FAM184A: variants seen among roughly 807,000 people sequenced by gnomAD.
FAM184A encodes family with sequence similarity 184 member A, also known as protein FAM184A.
A neutral mutation model predicts 143.8 loss-of-function variants in FAM184A; 99 were observed. The ratio of observed to expected loss-of-function variants is 0.69; its 90% CI spans 0.58 to 0.81. The LOEUF (loss-of-function observed/expected upper bound fraction) is 0.81, where lower values mean the gene tolerates loss of function less well. Among genes scored for constraint, FAM184A ranks in the 40% least tolerant of loss-of-function variants. The probability of loss-of-function intolerance (pLI) is 0.00; values close to 1 mark genes in which losing one functional copy is unlikely to be tolerated. For synonymous variants in FAM184A, 427 were observed against 446.4 expected (o/e 0.96, Z 0.55); for missense variants, 1,217 against 1,310.5 (o/e 0.93, Z 1.10).
rs1241611830 is a variant in FAM184A, at chr6:118,976,125, AATT to A, written c.2456-84_2456-82del. ...TTAGATAAAAATTATAGAAGTAAAA[AATT>A]ATTTCAAAAATTAGAACACTTGTGT... On this transcript the variant is annotated intron_variant, in intron 11 of 17. Coordinates refer to ENST00000338891, the MANE Select transcript of FAM184A (RefSeq NM_024581.6). 1.2e-5 allele frequency: 16 copies of A among 1,374,404 alleles called. No homozygotes were observed. In the African/African-American group the frequency reaches 2.2e-4, roughly 19 times the overall value. The allele number at this position is 1,374,404 out of a possible 1,614,324, so 85.1% of individuals were successfully genotyped here.
chr6:119,031,838 T>C (rs963328521), intron 1 of FAM184A, among the ~76,000 whole-genome samples: 1 of 151,966 alleles, frequency 6.6e-6, no homozygotes, highest in Non-Finnish European at 1.5e-5. Flanking sequence ...CATGAAACCA[T>C]CAAAAGCACA....
intron 14 of FAM184A, among the ~76,000 whole-genome samples, chr6:118,970,345 T>A (rs1411368595): frequency 6.6e-6 from 1 of 151,988 alleles, no homozygotes; most frequent in Non-Finnish European, 1.5e-5. Flanking sequence ...CTTATGTTCA[T>A]TACTCTATTT....
chr6:119,101,069 CTT>C (rs34570036), intron 1 of FAM184A, among the ~76,000 whole-genome samples: 1 of 139,700 alleles, frequency 7.2e-6, no homozygotes, highest in Non-Finnish European at 1.5e-5. Flanking sequence ...AATGCACTTT[CTT>C]TTTTTTTTTT....
chr6:118,983,106 A>C (rs530564372), intron 9 of FAM184A, among the ~76,000 whole-genome samples: 47 of 152,310 alleles, frequency 3.1e-4, no homozygotes, highest in African/African-American at 1.1e-3. Context: ...AGGCCATCGA[A>C]AATCTTTGAA....
intron 1 of FAM184A, among the ~76,000 whole-genome samples, chr6:119,085,311 T>C (rs1788189400): frequency 1.3e-5 from 2 of 152,222 alleles, no homozygotes; most frequent in African/African-American, 4.8e-5. Flanking sequence ...AAATTTCTTC[T>C]GCGAGATACC....
intron 1 of FAM184A, among the ~76,000 whole-genome samples, chr6:119,139,767 A>C (rs899849422): frequency 3.0e-4 from 45 of 152,248 alleles, no homozygotes; most frequent in Admixed American, 2.6e-3. Context: ...CACTTTTAGA[A>C]AAGCAGCTTT....
intron 7 of FAM184A, among the ~76,000 whole-genome samples, chr6:119,004,359 T>C (rs1434481416): frequency 2.0e-5 from 3 of 152,154 alleles, no homozygotes; most frequent in Non-Finnish European, 2.9e-5. Flanking sequence ...TAATGACATG[T>C]GGTGTGGCAG....
intron 1 of FAM184A, among the ~76,000 whole-genome samples, chr6:119,123,907 T>C (rs1306210584): frequency 6.6e-6 from 1 of 152,224 alleles, no homozygotes; most frequent in Non-Finnish European, 1.5e-5. Context: ...TTGCTGATTG[T>C]GCCATTACAT....
chr6:119,071,219 T>C (rs1787674637), intron 1 of FAM184A, among the ~76,000 whole-genome samples: 1 of 152,182 alleles, frequency 6.6e-6, no homozygotes, highest in Non-Finnish European at 1.5e-5. Context: ...AGGATTTTCA[T>C]AAACTAAACA....
At chr6:119,129,502 A>T (rs1430985075) in intron 1 of FAM184A, among the ~76,000 whole-genome samples, 1 of 152,126 alleles carries the variant, frequency 6.6e-6, no homozygotes, top group Non-Finnish European at 1.5e-5. Flanking sequence ...ATGTGTTTCA[A>T]TCTGGTTTCA....
At chr6:118,970,008 A>ATATTTTTTTTT in intron 14 of FAM184A, among the ~76,000 whole-genome samples, 1 of 19,050 alleles carries the variant, frequency 5.2e-5, no homozygotes, top group South Asian at 1.7e-3. Context: ...ATATATATAT[A>ATATTTTTTTTT]TTTTTTTTTT....
chr6:118,974,068 T>A (rs1290266636), intron 14 of FAM184A, among the ~76,000 whole-genome samples: 1 of 152,152 alleles, frequency 6.6e-6, no homozygotes, highest in Non-Finnish European at 1.5e-5. Flanking sequence ...ACATTATTAG[T>A]GTGTATATAG....
At chr6:118,962,213 T>A (rs1783352210) in intron 16 of FAM184A, 1 of 487,852 alleles carries the variant, frequency 2.0e-6, no homozygotes, top group Non-Finnish European at 3.7e-6. Flanking sequence ...TTAGGAGTCA[T>A]TCACGAGGAA....
chr6:118,979,462 A>C lies in FAM184A; in HGVS notation c.2358T>G (p.Asp786Glu). 6.2e-7 allele frequency: 1 copy of C among 1,613,820 alleles called. No homozygotes were observed. Among genetic ancestry groups the C allele is most frequent in the Non-Finnish European group, 8.5e-7 (1 of 1,179,844 alleles). ...AGCCCTCCATTGACTCTCTGTGTGC[A>C]TCTTTTAGTGATTGAAGCTCTGCAG... The part of the protein sequence containing the change: ...KHSAELQSLK[D>E]AHRESMEGFR... The change falls in exon 11 of 18, where the codon GAT becomes GAG. Residue 786 changes from aspartate to glutamate, a missense_variant. Coordinates refer to ENST00000338891, the MANE Select transcript of FAM184A (RefSeq NM_024581.6).
rs57693047 is a variant in FAM184A, at chr6:119,108,128, A to AGTGTGTGT, written c.-202+40942_-202+40949dup. 6.3e-3 allele frequency among the ~76,000 whole-genome samples: 923 copies of AGTGTGTGT among 147,350 alleles called. 5 individuals are homozygous for AGTGTGTGT. Among genetic ancestry groups the AGTGTGTGT allele is most frequent in the East Asian group, 0.021 (107 of 5,068 alleles). On this transcript the variant is annotated intron_variant, in intron 1 of 16. Coordinates refer to the FAM184A transcript ENST00000352896. ...TTTGAAAGTTTGAGAAGCACTTGTT[A>AGTGTGTGT]GTGTGTGTGTGTGTGTGTGTGTGGT...
At chr6:119,088,514 T>C (rs1788287160) in intron 1 of FAM184A, among the ~76,000 whole-genome samples, 1 of 152,190 alleles carries the variant, frequency 6.6e-6, no homozygotes, top group Non-Finnish European at 1.5e-5. Flanking sequence ...TTTCTTCCCA[T>C]TTTGGCCAGA....
chr6:118,967,902 T>C (rs1783550352), intron 14 of FAM184A, among the ~76,000 whole-genome samples: 1 of 152,244 alleles, frequency 6.6e-6, no homozygotes, highest in South Asian at 2.1e-4. Flanking sequence ...ATGATCTATC[T>C]TCCAGAAATC....
intron 6 of FAM184A, among the ~76,000 whole-genome samples, chr6:119,009,200 CTAAA>C (rs1375552982): frequency 2.0e-5 from 3 of 152,138 alleles, no homozygotes; most frequent in African/African-American, 4.8e-5. Flanking sequence ...TCAGTAAGCA[CTAAA>C]TAAATATTAT....
chr6:119,147,076 T>C, intron 1 of FAM184A, among the ~76,000 whole-genome samples: 1 of 119,484 alleles, frequency 8.4e-6, no homozygotes, highest in Non-Finnish European at 1.9e-5. Context: ...TTTTTTTTTT[T>C]TTGTTTTTTT....
Sources: allele counts gnomAD v4.1 joint callset (sites outside exome capture counted in the v4.1 genomes callset), GRCh38; gene constraint gnomAD v4.1.1; transcripts MANE v1.5; gene names NCBI Gene and HGNC (gene_info 2026-07-23, HGNC 2026-07-21).